The following CARMIL1 variants were observed in gnomAD, a reference collection of about 807,000 sequenced individuals.
CARMIL1 encodes the protein capping protein regulator and myosin 1 linker 1, also known as F-actin-uncapping protein LRRC16A.
Under a neutral mutation model 177.1 loss-of-function variants are expected in CARMIL1, and 90 were observed. The observed-to-expected ratio is 0.51, with a 90% CI of 0.43 to 0.61. The LOEUF is 0.61. CARMIL1 is among the 20% of genes least tolerant of loss of function. CARMIL1 has a pLI of 0.00. For missense variants in CARMIL1, 1,380 were observed against 1,667.0 expected (o/e 0.83, Z 3.00); for synonymous variants, 577 against 606.2 (o/e 0.95, Z 0.71).
intron 2 of CARMIL1, among the ~76,000 whole-genome samples, chr6:25,302,512 T>C (rs1782938250): frequency 6.6e-6 from 1 of 152,222 alleles, no homozygotes; most frequent in South Asian, 2.1e-4. Context: ...TATTGTACTT[T>C]TATGTTAAGT....
intron 2 of CARMIL1, among the ~76,000 whole-genome samples, chr6:25,369,537 C>T (rs1790202498): frequency 6.6e-6 from 1 of 152,096 alleles, no homozygotes; most frequent in African/African-American, 2.4e-5. Flanking sequence ...CCCCCTTACC[C>T]CTTTCCATCT....
chr6:25,382,480 G>A (rs896773127), intron 2 of CARMIL1, among the ~76,000 whole-genome samples: 2 of 152,160 alleles, frequency 1.3e-5, no homozygotes, highest in Non-Finnish European at 2.9e-5. Flanking sequence ...TGTGAAGAGC[G>A]AAAGAACAAA....
rs1401548791 is a variant in CARMIL1, at chr6:25,307,110, AC to A, written c.138+22203del. Among the ~76,000 whole-genome samples the A allele has an allele frequency of 2.0e-5, 3 of 151,952 alleles. No homozygotes were observed. The East Asian group carries it at 5.8e-4, about 29-fold the overall frequency. Reference sequence around the variant, plus strand: ...TGGCCAGGCTGGTCTCGAACTCCTGACCTCAGGTGATCCGCCTGCCTTGGTC... The same window carrying A: ...TGGCCAGGCTGGTCTCGAACTCCTGACTCAGGTGATCCGCCTGCCTTGGTC... On this transcript the variant is annotated intron_variant, in intron 2 of 36. Coordinates refer to ENST00000329474, the MANE Select transcript of CARMIL1 (RefSeq NM_017640.6).
intron 5 of CARMIL1, among the ~76,000 whole-genome samples, chr6:25,437,892 T>G (rs372148046): frequency 1.6e-4 from 24 of 152,206 alleles, no homozygotes; most frequent in African/African-American, 4.6e-4. Context: ...CTTGCATCTT[T>G]CTAGTTAGTC....
Position 25,580,960 on chromosome 6 carries a change from C to T in CARMIL1, c.2779C>T (p.Arg927Ter), listed in dbSNP as rs1049894548. Residue 927 changes from arginine (R) to a stop codon, truncating the protein, a stop_gained, in exon 30 of 37, where the codon CGA becomes TGA. Transcript: ENST00000329474. LOFTEE classifies it high-confidence loss of function. Reference sequence around the variant, plus strand: ...ATCCAAAAGGAAGAGTATCCATAGCCGAATGCTGCGGCCTGTTTCTAGGGC... The same window carrying T: ...ATCCAAAAGGAAGAGTATCCATAGCTGAATGCTGCGGCCTGTTTCTAGGGC... ...PKSKRKSIHS[R>*]MLRPVSRAFE... The T allele has an allele frequency of 3.7e-6, 6 of 1,601,356 alleles. No individual in the cohort carries two copies. The highest frequency in any genetic ancestry group is 1.1e-5 in the South Asian group (1 of 88,386).
intron 2 of CARMIL1, among the ~76,000 whole-genome samples, chr6:25,330,732 C>T (rs1785543238): frequency 6.6e-6 from 1 of 151,096 alleles, no homozygotes; most frequent in Non-Finnish European, 1.5e-5. Context: ...TCTGGAGTGG[C>T]ACAAGCCATG....
At chr6:25,320,150 A>G (rs1194052743) in intron 2 of CARMIL1, among the ~76,000 whole-genome samples, 3 of 152,132 alleles carry the variant, frequency 2.0e-5, no homozygotes, top group African/African-American at 7.2e-5. Flanking sequence ...GGTAGGTAGG[A>G]TAGTATATTC....
At chr6:25,617,871 C>T in intron 36 of CARMIL1, among the ~76,000 whole-genome samples, 1 of 152,066 alleles carries the variant, frequency 6.6e-6, no homozygotes, top group East Asian at 1.9e-4. Context: ...AGAAATTGCA[C>T]TTCAGTTTGG....
In CARMIL1 at chr6:25,360,670, C is replaced by A. The variant is rs894306562; in HGVS notation, c.139-59444C>A. The stretch of plus-strand genomic sequence containing the variant: ...TTGTGCCCAAGAGGAGAGATTTGGC[C>A]CTGTGATACTGCAGGGGGACTGTTG... On this transcript the variant is annotated intron_variant, in intron 2 of 36. Transcript: ENST00000329474. Among the ~76,000 whole-genome samples, 5 of 152,080 alleles carry A rather than the reference C, an allele frequency of 3.3e-5. No individual in the cohort carries two copies. In the East Asian group the frequency reaches 9.6e-4, roughly 29 times the overall value.
At chr6:25,462,028 T>C (rs1800163980) in intron 8 of CARMIL1, among the ~76,000 whole-genome samples, 1 of 152,176 alleles carries the variant, frequency 6.6e-6, no homozygotes, top group Non-Finnish European at 1.5e-5. Context: ...AATGGGGTGA[T>C]TGTTTTTTAT....
At chr6:25,282,443 T>G (rs566738697) in intron 1 of CARMIL1, among the ~76,000 whole-genome samples, 1 of 152,320 alleles carries the variant, frequency 6.6e-6, no homozygotes, top group Non-Finnish European at 1.5e-5. Context: ...TCCTTGCTGT[T>G]CCTTGAACAG....
At chr6:25,584,026 C>CT (rs71544648) in intron 31 of CARMIL1, among the ~76,000 whole-genome samples, 26,172 of 119,112 alleles carry the variant, frequency 0.22, 3,424 homozygotes, top group East Asian at 0.4. Context: ...TTTTCTTTTT[C>CT]TTTTTTTTTT....
chr6:25,446,665 C>T (rs1798263067), intron 5 of CARMIL1, among the ~76,000 whole-genome samples: 1 of 152,196 alleles, frequency 6.6e-6, no homozygotes, highest in African/African-American at 2.4e-5. Context: ...AATAACTTTT[C>T]CTTTGCATTT....
chr6:25,470,763 T>C (rs1801027888), intron 9 of CARMIL1, among the ~76,000 whole-genome samples: 1 of 152,162 alleles, frequency 6.6e-6, no homozygotes, highest in South Asian at 2.1e-4. Context: ...GCAAGATAGC[T>C]CTCTGGGGCC....
intron 2 of CARMIL1, among the ~76,000 whole-genome samples, chr6:25,408,332 G>A (rs1408457606): frequency 6.6e-6 from 1 of 151,374 alleles, no homozygotes. Context: ...GGCAGAGAGT[G>A]GGATGCCTGA....
chr6:25,595,500 TGAA>T lies in CARMIL1; in HGVS notation c.3119+975_3119+977del, dbSNP rs558455891. Among the ~76,000 whole-genome samples, 699 of 152,298 alleles carry T rather than the reference TGAA, an allele frequency of 4.6e-3. 4 individuals carry two copies. The highest frequency in any genetic ancestry group is 0.014 in the African/African-American group (602 of 41,576). On this transcript the variant is annotated intron_variant, in intron 32 of 36. Coordinates refer to ENST00000329474, the MANE Select transcript of CARMIL1 (RefSeq NM_017640.6). ...TATTTGTCTTCTTTGACACTGGCCTTGAAGCTTAGCATACTATACTTGGCAAAA... is the reference window on the plus strand; with the variant it reads ...TATTTGTCTTCTTTGACACTGGCCTTGCTTAGCATACTATACTTGGCAAAA...
chr6:25,435,355 T>TAAAAAA, intron 4 of CARMIL1, 128 bp from the exon 5 acceptor site: 1 of 1,115,804 alleles, frequency 9.0e-7, no homozygotes, highest in East Asian at 3.0e-5. Flanking sequence ...CGAACCTTGT[T>TAAAAAA]AAAGAAAAAA....
intron 2 of CARMIL1, among the ~76,000 whole-genome samples, chr6:25,405,668 C>A (rs1794298053): frequency 6.6e-6 from 1 of 152,216 alleles, no homozygotes; most frequent in Non-Finnish European, 1.5e-5. Flanking sequence ...CTTGACACTT[C>A]TATGCCTTTC....
rs1797668793 is a variant in CARMIL1, at chr6:25,440,712, A to G, written c.371+5108A>G. Among the ~76,000 whole-genome samples, 3 of 152,086 alleles carry G rather than the reference A, an allele frequency of 2.0e-5. No individual in the cohort carries two copies. In the South Asian group the frequency reaches 6.2e-4, roughly 31 times the overall value. On this transcript the variant is annotated intron_variant, in intron 5 of 36. Transcript: ENST00000329474. ...TTATATAAATAATGCACAATAGAACATGCAAAATAAAATATGTTTCCAGTA... is the reference window on the plus strand; with the variant it reads ...TTATATAAATAATGCACAATAGAACGTGCAAAATAAAATATGTTTCCAGTA...
Sources: allele counts gnomAD v4.1 joint callset (sites outside exome capture counted in the v4.1 genomes callset), GRCh38; gene constraint gnomAD v4.1.1; transcripts MANE v1.5; gene names NCBI Gene and HGNC (gene_info 2026-07-23, HGNC 2026-07-21).